The following TMEM132C variants were observed in gnomAD, a reference collection of about 807,000 sequenced individuals.
TMEM132C encodes transmembrane protein 132C.
In TMEM132C, 29 loss-of-function variants were observed where a neutral mutation model predicts 61.4. That is an observed-to-expected ratio of 0.47 (90% confidence interval 0.35 to 0.64). TMEM132C has a LOEUF of 0.64. TMEM132C is among the 30% of genes least tolerant of loss of function. The pLI, the probability that TMEM132C is intolerant of heterozygous loss-of-function variation, is 0.00. For synonymous variants in TMEM132C, 656 were observed against 633.1 expected (o/e 1.04, Z -0.54); for missense variants, 1,408 against 1,476.9 (o/e 0.95, Z 0.76).
chr12:128,604,630 G>A (rs1052637214), intron 3 of TMEM132C, among the ~76,000 whole-genome samples: 1 of 152,008 alleles, frequency 6.6e-6, no homozygotes, highest in African/African-American at 2.4e-5. Context: ...ATGGATGGAA[G>A]ATAGATAATA....
chr12:128,510,111 T>A (rs1168059296), intron 2 of TMEM132C, among the ~76,000 whole-genome samples: 1 of 152,120 alleles, frequency 6.6e-6, no homozygotes, highest in Non-Finnish European at 1.5e-5. Context: ...ACAAAGTCAA[T>A]CCCAACAGGT....
At chr12:128,604,009 C>T (rs994102078) in intron 3 of TMEM132C, among the ~76,000 whole-genome samples, 2 of 152,052 alleles carry the variant, frequency 1.3e-5, no homozygotes, top group Admixed American at 6.6e-5. Context: ...AAGAGAGTGT[C>T]GAGAAAGAAT....
chr12:128,682,806 A>T (rs914412813), intron 5 of TMEM132C, among the ~76,000 whole-genome samples: 2 of 152,192 alleles, frequency 1.3e-5, no homozygotes, highest in Non-Finnish European at 2.9e-5. Flanking sequence ...GGAGGCCAGA[A>T]GTCTGGAGTC....
At chr12:128,462,573 A>G (rs575094848) in intron 2 of TMEM132C, among the ~76,000 whole-genome samples, 6 of 152,358 alleles carry the variant, frequency 3.9e-5, no homozygotes, top group Admixed American at 1.3e-4. Flanking sequence ...CGGTGAAGAC[A>G]TGAAAGGATC....
chr12:128,622,358 A>AT (rs1477853972), intron 4 of TMEM132C, among the ~76,000 whole-genome samples: 48 of 48,192 alleles, frequency 1.0e-3, no homozygotes, highest in East Asian at 2.1e-3. Context: ...AAAAAAAAAA[A>AT]AAATATATAT....
chr12:128,638,188 C>T (rs537070310), intron 4 of TMEM132C, among the ~76,000 whole-genome samples: 62 of 152,294 alleles, frequency 4.1e-4, no homozygotes, highest in Non-Finnish European at 8.1e-4. Flanking sequence ...CTGACACCTG[C>T]TCAGTGCTCT....
rs1008627186 is a variant in TMEM132C, at chr12:128,415,011, C to T, written c.365C>T (p.Thr122Ile). The change falls in exon 2 of 9, where the codon ACC becomes ATC. Residue 122 changes from threonine to isoleucine, a missense_variant. Transcript: ENST00000435159. The surrounding 1 kb of genome is among the most constrained non-coding windows in gnomAD (Gnocchi z 5.8). ...LMLTSNFLGP[T>I]NKFSFDWKLK... is the part of the protein sequence containing the mutation. ...TTGACTTCAAACTTTTTAGGTCCAA[C>T]CAATAAGTTTAGTTTTGATTGGAAA... The T allele has an allele frequency of 3.9e-6, 6 of 1,555,876 alleles. No homozygotes were observed. The highest frequency in any genetic ancestry group is 5.2e-6 in the Non-Finnish European group (6 of 1,149,292).
intron 2 of TMEM132C, among the ~76,000 whole-genome samples, chr12:128,517,971 G>A (rs1297758100): frequency 6.6e-6 from 1 of 152,202 alleles, no homozygotes; most frequent in Non-Finnish European, 1.5e-5. Flanking sequence ...TGTAGAGCCA[G>A]GAACCTCAGG....
chr12:128,283,729 G>C (rs753585862), intron 1 of TMEM132C, among the ~76,000 whole-genome samples: 16 of 152,096 alleles, frequency 1.1e-4, no homozygotes, highest in African/African-American at 3.9e-4. Context: ...AGTCATTCTA[G>C]GTTTCTTCCT....
Position 128,321,709 on chromosome 12 carries a change from T to C in TMEM132C, c.85+54222T>C, listed in dbSNP as rs59457784. 5.2e-3 allele frequency among the ~76,000 whole-genome samples: 799 copies of C among 152,340 alleles called. 12 individuals are homozygous for C. The highest frequency in any genetic ancestry group is 0.017 in the African/African-American group (706 of 41,580). Reference sequence around the variant, plus strand: ...AGTGTCCATATCCTGATTGTGGTAGTGTACTATTATTTTGTAAGATGTCAT... The same window carrying C: ...AGTGTCCATATCCTGATTGTGGTAGCGTACTATTATTTTGTAAGATGTCAT... On this transcript the variant is annotated intron_variant, in intron 1 of 8. Coordinates refer to ENST00000435159, the MANE Select transcript of TMEM132C (RefSeq NM_001136103.3).
At chr12:128,324,229 G>A (rs953680183) in intron 1 of TMEM132C, among the ~76,000 whole-genome samples, 2 of 152,064 alleles carry the variant, frequency 1.3e-5, no homozygotes, top group African/African-American at 4.8e-5. Flanking sequence ...ATGTGGTGGT[G>A]GTTGAAATTA....
At chr12:128,430,528 T>C (rs935243628) in intron 2 of TMEM132C, among the ~76,000 whole-genome samples, 3 of 152,228 alleles carry the variant, frequency 2.0e-5, no homozygotes, top group African/African-American at 4.8e-5. Context: ...CTTATAATTA[T>C]ACAGGCATAT....
intron 2 of TMEM132C, among the ~76,000 whole-genome samples, chr12:128,498,868 AAAG>A (rs780035943): frequency 4.5e-4 from 69 of 152,298 alleles, no homozygotes; most frequent in Non-Finnish European, 9.1e-4. Flanking sequence ...GAAAGAAATA[AAAG>A]AAGATCTGAA....
chr12:128,372,978 C>T lies in TMEM132C; in HGVS notation c.86-41754C>T, dbSNP rs1049991644. Among the ~76,000 whole-genome samples, 3 of 152,194 alleles carry T rather than the reference C, an allele frequency of 2.0e-5. No individual in the cohort carries two copies. The South Asian group carries it at 6.2e-4, about 32-fold the overall frequency. On this transcript the variant is annotated intron_variant, in intron 1 of 8. Coordinates refer to ENST00000435159, the MANE Select transcript of TMEM132C (RefSeq NM_001136103.3). ...TTCAGAAGCATCCAGTGCTGGATTT[C>T]AGTTCAAAGAGCATGTGCTTTTTGC...
chr12:128,306,368 A>AT (rs764785233), intron 1 of TMEM132C, among the ~76,000 whole-genome samples: 47 of 151,878 alleles, frequency 3.1e-4, no homozygotes, highest in Non-Finnish European at 5.6e-4. Context: ...CGCCTGGCTA[A>AT]TTTTTTGTAT....
At chr12:128,383,870 C>G (rs142312403) in intron 1 of TMEM132C, among the ~76,000 whole-genome samples, 35 of 152,310 alleles carry the variant, frequency 2.3e-4, no homozygotes, top group African/African-American at 7.9e-4. Context: ...ACTGAGCAGT[C>G]CTTCCATATC....
chr12:128,580,803 C>A (rs1031213430), intron 3 of TMEM132C, among the ~76,000 whole-genome samples: 1 of 152,160 alleles, frequency 6.6e-6, no homozygotes, highest in South Asian at 2.1e-4. Flanking sequence ...CTTACCCCAC[C>A]CCATAGGCAT....
At chr12:128,478,361 G>T (rs1164259769) in intron 2 of TMEM132C, among the ~76,000 whole-genome samples, 1 of 152,050 alleles carries the variant, frequency 6.6e-6, no homozygotes, top group Non-Finnish European at 1.5e-5. Flanking sequence ...TGGCAAACTA[G>T]CAAAGGCTCA....
chr12:128,325,141 A>G (rs1020857209), intron 1 of TMEM132C, among the ~76,000 whole-genome samples: 1 of 152,178 alleles, frequency 6.6e-6, no homozygotes, highest in Non-Finnish European at 1.5e-5. Context: ...GTTCGTCTCA[A>G]ATAAGTCCTG....
Sources: allele counts gnomAD v4.1 joint callset (sites outside exome capture counted in the v4.1 genomes callset), GRCh38; gene constraint gnomAD v4.1.1; non-coding constraint Gnocchi (gnomAD v3.1); transcripts MANE v1.5; gene names NCBI Gene and HGNC (gene_info 2026-07-23, HGNC 2026-07-21).